Variants in SLC9A3 observed in about 807,000 individuals in gnomAD.
SLC9A3 encodes the protein solute carrier family 9 member A3.
SLC9A3 carries 37 observed loss-of-function variants against 86.8 expected under a neutral mutation model. The ratio of observed to expected loss-of-function variants is 0.43; its 90% CI spans 0.33 to 0.56. The LOEUF (loss-of-function observed/expected upper bound fraction) is 0.56. SLC9A3 is among the 20% of genes least tolerant of loss of function. The probability of loss-of-function intolerance (pLI) is 0.06; values close to 1 mark genes in which losing one functional copy is unlikely to be tolerated. For synonymous variants in SLC9A3, 581 were observed against 528.3 expected (o/e 1.10, Z -1.37); for missense variants, 1,011 against 1,171.9 (o/e 0.86, Z 2.00).
chr5:508,106 G>C (rs1189398556), intron 1 of SLC9A3, among the ~76,000 whole-genome samples: 1 of 152,266 alleles, frequency 6.6e-6, no homozygotes, highest in Non-Finnish European at 1.5e-5. Context: ...AGGGGAAGGG[G>C]TGACCAGTGC....
At position 483,467 on chromosome 5, in the gene SLC9A3, G is replaced by A. The variant is rs763361967; in HGVS notation, c.948C>T (p.Gly316=). 3 of 1,578,362 alleles carry A rather than the reference G, an allele frequency of 1.9e-6. No homozygotes were observed. Among genetic ancestry groups the A allele is most frequent in the South Asian group, 2.3e-5 (2 of 86,334 alleles). The change falls in exon 6 of 17, where the codon GGC becomes GGT. Residue 316 remains glycine, a synonymous_variant. Transcript: ENST00000264938. Reference sequence around the variant, plus strand: ...CCTTCACATACTTCTGACAGCAGATGCCACAGAAGGTGATGCTGCAGGGAC... The same window carrying A: ...CCTTCACATACTTCTGACAGCAGATACCACAGAAGGTGATGCTGCAGGGAC... ...LSAILAITFC[G]ICCQKYVKAN... is the part of the protein sequence containing the mutation.
At chr5:520,305 C>T (rs548834537) in intron 1 of SLC9A3, among the ~76,000 whole-genome samples, 21 of 152,314 alleles carry the variant, frequency 1.4e-4, no homozygotes, top group African/African-American at 2.4e-4. Context: ...CCCCGGTTTC[C>T]GACATCTCAA....
chr5:514,842 G>A (rs1400381138), intron 1 of SLC9A3, among the ~76,000 whole-genome samples: 1 of 152,196 alleles, frequency 6.6e-6, no homozygotes, highest in Admixed American at 6.5e-5. Context: ...CAGGTTCCCC[G>A]ATCCACCAGA....
At position 473,202 on chromosome 5, in the gene SLC9A3, G is replaced by T; in HGVS notation, c.*177C>A. On this transcript the variant is annotated 3_prime_UTR_variant, in exon 17 of 17. Transcript: ENST00000264938. Reference sequence around the variant, plus strand: ...CTCGCCCTCGGGCGGCTCTGCGGGCGCAGGCGCGGCACTCTCGGAGTTCTG... The same window carrying T: ...CTCGCCCTCGGGCGGCTCTGCGGGCTCAGGCGCGGCACTCTCGGAGTTCTG... The T allele has an allele frequency of 3.4e-6, 2 of 586,490 alleles. No homozygotes were observed. Among genetic ancestry groups the T allele is most frequent in the Non-Finnish European group, 4.7e-6 (2 of 425,804 alleles). The allele number at this position is 586,490 out of a possible 1,614,324, so 36.3% of individuals were successfully genotyped here.
intron 1 of SLC9A3, among the ~76,000 whole-genome samples, chr5:518,589 CCAGACGCTGGG>C (rs998699922): frequency 6.6e-6 from 1 of 152,168 alleles, no homozygotes; most frequent in African/African-American, 2.4e-5. Context: ...GGGACTCAGC[CCAGACGCTGGG>C]CAGATGATGT....
chr5:473,296 G>C lies in SLC9A3; in HGVS notation c.*83C>G. ...CGCTGTAGCCGCGCGGGGATCTGGG[G>C]TTTCTCTGGGACAGCGGCGGCGGCG... On this transcript the variant is annotated 3_prime_UTR_variant, in exon 17 of 17. Transcript: ENST00000264938. The C allele has an allele frequency of 7.5e-7, 1 of 1,329,102 alleles. No homozygotes were observed. 82.3% of individuals were successfully genotyped at this position (1,329,102 alleles called of 1,614,324 possible). A position where few individuals can be genotyped will look rare whatever the true frequency, so the allele number is the denominator to read the frequency against.
chr5:483,548 C>CAGGCCGTGGGGGGCTGGG, intron 5 of SLC9A3, 66 bp from the exon 6 acceptor site: 1 of 1,173,966 alleles, frequency 8.5e-7, no homozygotes, highest in Non-Finnish European at 1.2e-6. Flanking sequence ...CCGTGTCCGC[C>CAGGCCGTGGGGGGCTGGG]CAGCCCCCCA....
In SLC9A3 at chr5:497,395, C is replaced by A. The variant is rs913935797; in HGVS notation, c.212-5324G>T. 6.6e-6 allele frequency among the ~76,000 whole-genome samples: 1 copy of A among 152,116 alleles called. No individual in the cohort carries two copies. Among genetic ancestry groups the A allele is most frequent in the African/African-American group, 2.4e-5 (1 of 41,418 alleles). On this transcript the variant is annotated intron_variant, in intron 1 of 16. Transcript: ENST00000264938. The surrounding 1 kb of genome is among the most constrained non-coding windows in gnomAD (Gnocchi z 5.4). The stretch of plus-strand genomic sequence containing the variant: ...TCCGGGTTCTTCCCTTGACAGCTGG[C>A]GTCCACCCTCGAGCATTTGCGAATG...
intron 1 of SLC9A3, among the ~76,000 whole-genome samples, chr5:511,395 A>G (rs529505060): frequency 2.6e-5 from 4 of 152,366 alleles, no homozygotes; most frequent in African/African-American, 4.8e-5. Flanking sequence ...TGCAAAACAC[A>G]TATCTCCTAA....
intron 1 of SLC9A3, among the ~76,000 whole-genome samples, chr5:523,879 G>A (rs1337669033): frequency 6.6e-6 from 1 of 152,168 alleles, no homozygotes; most frequent in Admixed American, 6.5e-5. Context: ...CGGGAGTCCG[G>A]GGCTCCGAGG....
chr5:472,270 CAG>C lies in SLC9A3; in HGVS notation c.*1107_*1108del, dbSNP rs1738400577. 2.8e-6 allele frequency: 1 copy of C among 351,670 alleles called. No individual in the cohort carries two copies. The highest frequency in any genetic ancestry group is 2.1e-5 in the African/African-American group (1 of 46,758). 21.8% of individuals were successfully genotyped at this position (351,670 alleles called of 1,614,324 possible). A position where few individuals can be genotyped will look rare whatever the true frequency, so the allele number is the denominator to read the frequency against. ...GGACGCTGGAAGGGGTGGGAAGGGT[CAG>C]GGGTCCGGGGTCTAGGACAGGCTCA... On this transcript the variant is annotated 3_prime_UTR_variant, in exon 17 of 17. Transcript: ENST00000264938.
At chr5:478,142 G>C (rs1738879860) in intron 10 of SLC9A3, 1 of 152,278 alleles carries the variant, frequency 6.6e-6, no homozygotes, top group Non-Finnish European at 1.5e-5. Context: ...AAGCCCCCGG[G>C]GTCAGGTGGG....
At chr5:483,668 C>T (rs1219759742) in intron 5 of SLC9A3, among the ~76,000 whole-genome samples, 186 bp from the exon 6 acceptor site, 1 of 152,206 alleles carries the variant, frequency 6.6e-6, no homozygotes, top group African/African-American at 2.4e-5. Flanking sequence ...GCGGGGGCCA[C>T]AGGCGGCATC....
chr5:473,300 C>T lies in SLC9A3; in HGVS notation c.*79G>A. ...GTAGCCGCGCGGGGATCTGGGGTTTCTCTGGGACAGCGGCGGCGGCGGTGG... is the reference window on the plus strand; with the variant it reads ...GTAGCCGCGCGGGGATCTGGGGTTTTTCTGGGACAGCGGCGGCGGCGGTGG... On this transcript the variant is annotated 3_prime_UTR_variant, in exon 17 of 17. Transcript: ENST00000264938. 7.4e-7 allele frequency: 1 copy of T among 1,352,506 alleles called. No individual in the cohort carries two copies. Among genetic ancestry groups the T allele is most frequent in the Non-Finnish European group, 9.5e-7 (1 of 1,047,818 alleles). 83.8% of individuals were successfully genotyped at this position (1,352,506 alleles called of 1,614,324 possible). A position where few individuals can be genotyped will look rare whatever the true frequency, so the allele number is the denominator to read the frequency against.
rs936626943 is a variant in SLC9A3 at position 497,199 on chromosome 5, G to A, written c.212-5128C>T. ...CCCGAGCCTGGAAGTGGATCTGGGT[G>A]GCACTGGTGGGTGCTCCCGGTGCCC... On this transcript the variant is annotated intron_variant, in intron 1 of 16. Coordinates refer to ENST00000264938, the MANE Select transcript of SLC9A3 (RefSeq NM_004174.4). The surrounding 1 kb of genome is among the most constrained non-coding windows in gnomAD (Gnocchi z 5.4). Among the ~76,000 whole-genome samples, 2 of 152,192 alleles carry A rather than the reference G, an allele frequency of 1.3e-5. No individual in the cohort carries two copies. The highest frequency in any genetic ancestry group is 6.5e-5 in the Admixed American group (1 of 15,282).
At chr5:517,248 T>TTCAC (rs1733757113) in intron 1 of SLC9A3, among the ~76,000 whole-genome samples, 1 of 72,336 alleles carries the variant, frequency 1.4e-5, no homozygotes, top group Admixed American at 1.6e-4. Context: ...CATCTGTCCA[T>TTCAC]TCACTCACTC....
intron 1 of SLC9A3, among the ~76,000 whole-genome samples, chr5:517,198 C>T (rs1011402419): frequency 6.6e-6 from 1 of 151,730 alleles, no homozygotes; most frequent in African/African-American, 2.4e-5. Context: ...CATCAATCCA[C>T]TCATCCATCC....
chr5:511,045 T>C (rs906026707), intron 1 of SLC9A3, among the ~76,000 whole-genome samples: 2 of 152,156 alleles, frequency 1.3e-5, no homozygotes, highest in Non-Finnish European at 2.9e-5. Context: ...AGGGCTCAGA[T>C]ACCTGCCCAT....
chr5:490,048 C>T (rs1281272217), intron 2 of SLC9A3, among the ~76,000 whole-genome samples: 1 of 152,254 alleles, frequency 6.6e-6, no homozygotes, highest in Non-Finnish European at 1.5e-5. Context: ...CTCCACAGGG[C>T]TTGGCCTCTG....
Sources: gnomAD v4.1 joint callset for allele counts (sites outside exome capture counted in the v4.1 genomes callset) on GRCh38, gnomAD v4.1.1 for gene constraint, Gnocchi (gnomAD v3.1) non-coding constraint, MANE v1.5 for transcripts, NCBI Gene and HGNC (gene_info 2026-07-23, HGNC 2026-07-21) for gene names.